The following EML4 variants were observed in gnomAD, a reference collection of about 807,000 sequenced individuals.
EML4 encodes the protein EMAP like 4.
A neutral mutation model predicts 129.0 loss-of-function variants in EML4; 72 were observed. The observed-to-expected ratio is 0.56, with a 90% CI of 0.46 to 0.68. The LOEUF is 0.68. Among genes scored for constraint, EML4 ranks in the 30% least tolerant of loss-of-function variants. The pLI, the probability that EML4 is intolerant of heterozygous loss-of-function variation, is 0.00. For missense variants in EML4, 1,363 were observed against 1,190.6 expected (o/e 1.14, Z -2.13); for synonymous variants, 532 against 405.0 (o/e 1.31, Z -3.77).
At chr2:42,244,902 G>C (rs759335090) in intron 1 of EML4, among the ~76,000 whole-genome samples, 2 of 151,924 alleles carry the variant, frequency 1.3e-5, no homozygotes, top group Non-Finnish European at 2.9e-5. Context: ...GAGCCTTTTC[G>C]TGAGAAAACC....
chr2:42,257,067 ATAAAAT>A (rs1676200303), intron 3 of EML4, among the ~76,000 whole-genome samples: 1 of 152,284 alleles, frequency 6.6e-6, no homozygotes, highest in Admixed American at 6.5e-5. Flanking sequence ...AACCATAACT[ATAAAAT>A]TAAGGCTTAT....
At chr2:42,325,631 T>TG in intron 20 of EML4, 77 bp downstream of exon 20, 1 of 190,866 alleles carries the variant, frequency 5.2e-6, no homozygotes, top group Non-Finnish European at 1.0e-5. Context: ...TATATATATA[T>TG]ATATATATGC....
At chr2:42,219,696 T>G (rs1673436431) in intron 1 of EML4, among the ~76,000 whole-genome samples, 1 of 152,070 alleles carries the variant, frequency 6.6e-6, no homozygotes, top group Non-Finnish European at 1.5e-5. Flanking sequence ...GGTGGGCAGA[T>G]TACTTGACAT....
intron 17 of EML4, among the ~76,000 whole-genome samples, chr2:42,312,946 CTTTTT>C (rs753939714): frequency 3.5e-5 from 4 of 114,308 alleles, no homozygotes; most frequent in African/African-American, 7.3e-5. Flanking sequence ...CAATGTATAT[CTTTTT>C]TTTTTTTTTT....
intron 1 of EML4, among the ~76,000 whole-genome samples, chr2:42,212,820 A>G (rs1416247368): frequency 2.0e-5 from 3 of 152,244 alleles, no homozygotes; most frequent in African/African-American, 7.2e-5. Flanking sequence ...TGGATATTTT[A>G]AAAGTAACTA....
At chr2:42,283,764 G>A (rs1247027363) in intron 8 of EML4, among the ~76,000 whole-genome samples, 2 of 152,166 alleles carry the variant, frequency 1.3e-5, no homozygotes, top group African/African-American at 4.8e-5. Flanking sequence ...AGCATTGTTT[G>A]TGATGAAGAT....
intron 1 of EML4, among the ~76,000 whole-genome samples, chr2:42,173,552 TTAAATAAGTACCA>T (rs72413520): frequency 0.1 from 15,734 of 152,168 alleles, 1,010 homozygotes; most frequent in East Asian, 0.19. Flanking sequence ...TGCCTGGTTT[TTAAATAAGTACCA>T]TGACTAGGTG....
At chr2:42,290,664 T>G (rs1300467588) in intron 11 of EML4, among the ~76,000 whole-genome samples, 17 of 151,946 alleles carry the variant, frequency 1.1e-4, no homozygotes, top group Admixed American at 1.1e-3. Context: ...CCCAGGAGAT[T>G]GAGGCTGCAG....
intron 17 of EML4, among the ~76,000 whole-genome samples, chr2:42,308,309 C>G (rs1372545489): frequency 6.6e-6 from 1 of 152,064 alleles, no homozygotes; most frequent in Non-Finnish European, 1.5e-5. Flanking sequence ...AGTTTGAAAC[C>G]AGCCTGGGCA....
At chr2:42,254,859 CCA>C in intron 2 of EML4, among the ~76,000 whole-genome samples, 1 of 151,830 alleles carries the variant, frequency 6.6e-6, no homozygotes, top group South Asian at 2.1e-4. Context: ...AGCACTATTC[CCA>C]TTAGCCAAAA....
At chr2:42,321,981 ACTTCT>A (rs1447702440) in intron 19 of EML4, among the ~76,000 whole-genome samples, 1 of 152,198 alleles carries the variant, frequency 6.6e-6, no homozygotes, top group Non-Finnish European at 1.5e-5. Context: ...TTTTCTACAA[ACTTCT>A]CTAAGTTTGA....
chr2:42,205,579 A>G (rs1392184749), intron 1 of EML4, among the ~76,000 whole-genome samples: 1 of 152,226 alleles, frequency 6.6e-6, no homozygotes, highest in African/African-American at 2.4e-5. Context: ...GGCCTGAATC[A>G]GTAGGCACTT....
At chr2:42,253,413 G>A (rs1026379388) in intron 2 of EML4, among the ~76,000 whole-genome samples, 49 of 152,256 alleles carry the variant, frequency 3.2e-4, no homozygotes, top group Non-Finnish European at 5.6e-4. Flanking sequence ...GTGTCTTACA[G>A]TTCTAATAGG....
At chr2:42,321,023 T>C (rs1363803885) in intron 19 of EML4, among the ~76,000 whole-genome samples, 3 of 152,060 alleles carry the variant, frequency 2.0e-5, no homozygotes, top group Non-Finnish European at 4.4e-5. Flanking sequence ...AGAAAATAAA[T>C]CCTGAAGTTA....
At chr2:42,179,281 A>G (rs905655990) in intron 1 of EML4, among the ~76,000 whole-genome samples, 2 of 140,872 alleles carry the variant, frequency 1.4e-5, no homozygotes, top group African/African-American at 5.2e-5. Flanking sequence ...TTTTTTTTTA[A>G]TATTATAAAG....
chr2:42,207,960 G>T (rs1470396730), intron 1 of EML4: 20 of 152,160 alleles, frequency 1.3e-4, no homozygotes. Flanking sequence ...CCTGAAAATG[G>T]CAGTATTTGG....
At chr2:42,227,935 A>C (rs1053320674) in intron 1 of EML4, among the ~76,000 whole-genome samples, 1 of 152,156 alleles carries the variant, frequency 6.6e-6, no homozygotes, top group African/African-American at 2.4e-5. Flanking sequence ...AAAATTATAC[A>C]TAGGCCGGGC....
At chr2:42,211,587 A>C (rs1672888389) in intron 1 of EML4, among the ~76,000 whole-genome samples, 1 of 152,200 alleles carries the variant, frequency 6.6e-6, no homozygotes, top group Non-Finnish European at 1.5e-5. Flanking sequence ...TTATGAAAGG[A>C]CTTGGATGTT....
At chr2:42,200,069 G>A (rs6544512) in intron 1 of EML4, among the ~76,000 whole-genome samples, 69,497 of 150,894 alleles carry the variant, frequency 0.46, 16,558 homozygotes, top group East Asian at 0.76. Context: ...CAGCACTTTG[G>A]GAGGCCAAGG....
Sources: allele counts gnomAD v4.1 joint callset (sites outside exome capture counted in the v4.1 genomes callset), GRCh38; gene constraint gnomAD v4.1.1; transcripts MANE v1.5; gene names NCBI Gene and HGNC (gene_info 2026-07-23, HGNC 2026-07-21).